The following PLCL1 variants were observed in gnomAD, a reference collection of about 807,000 sequenced individuals.
PLCL1 encodes phospholipase C like 1 (inactive).
Under a neutral mutation model 84.4 loss-of-function variants are expected in PLCL1, and 41 were observed. The ratio of observed to expected loss-of-function variants is 0.49; its 90% CI spans 0.38 to 0.63. The LOEUF (loss-of-function observed/expected upper bound fraction) is 0.63, where lower values mean the gene tolerates loss of function less well. Ranked by LOEUF, PLCL1 falls within the 30% of genes least tolerant of loss-of-function variation. The pLI is 0.00. For missense variants in PLCL1, 1,206 were observed against 1,367.8 expected, an observed-to-expected ratio of 0.88 and a Z score of 1.87; for synonymous variants, 490 against 488.3, an observed-to-expected ratio of 1.00 and a Z score of -0.05.
intron 1 of PLCL1, among the ~76,000 whole-genome samples, chr2:198,062,969 A>G (rs1270094319): frequency 6.6e-6 from 1 of 152,110 alleles, no homozygotes; most frequent in African/African-American, 2.4e-5. Context: ...AGAGTCTGAA[A>G]GTCTGCAATT....
intron 1 of PLCL1, among the ~76,000 whole-genome samples, chr2:197,811,191 T>C (rs1690580341): frequency 6.6e-6 from 1 of 152,238 alleles, no homozygotes; most frequent in Non-Finnish European, 1.5e-5. Context: ...AATTAATGAT[T>C]ATACTAAACT....
At position 197,968,915 on chromosome 2, in the gene PLCL1, C is replaced by T. The variant is rs1689801458; in HGVS notation, c.241-114843C>T. Among the ~76,000 whole-genome samples, 4 of 152,204 alleles carry T rather than the reference C, an allele frequency of 2.6e-5. No individual in the cohort carries two copies. The South Asian group carries it at 8.3e-4, about 31-fold the overall frequency. ...TAAGTTAAGAGTAATTCATTTAAAACAGGGTCCCCAACCCCCAGACCACGG... is the reference window on the plus strand; with the variant it reads ...TAAGTTAAGAGTAATTCATTTAAAATAGGGTCCCCAACCCCCAGACCACGG... On this transcript the variant is annotated intron_variant, in intron 1 of 5. Transcript: ENST00000428675.
At position 198,044,834 on chromosome 2, in the gene PLCL1, G is replaced by C. The variant is rs190049383; in HGVS notation, c.241-38924G>C. ...AACTGAATCATATTAAACAACCTTTGTTTCCTACCTCAATAGGTCAATTGA... is the reference window on the plus strand; with the variant it reads ...AACTGAATCATATTAAACAACCTTTCTTTCCTACCTCAATAGGTCAATTGA... On this transcript the variant is annotated intron_variant, in intron 1 of 5. Coordinates refer to ENST00000428675, the MANE Select transcript of PLCL1 (RefSeq NM_006226.4). Among the ~76,000 whole-genome samples the C allele has an allele frequency of 3.8e-3, 582 of 152,258 alleles. 5 individuals carry two copies. Among genetic ancestry groups the C allele is most frequent in the African/African-American group, 0.013 (557 of 41,560 alleles).
chr2:197,868,033 C>G (rs1559030131), intron 1 of PLCL1, among the ~76,000 whole-genome samples: 1 of 152,086 alleles, frequency 6.6e-6, no homozygotes, highest in African/African-American at 2.4e-5. Flanking sequence ...TGGTTGAAAA[C>G]AAATGGCAAG....
intron 1 of PLCL1, among the ~76,000 whole-genome samples, chr2:197,819,769 A>G (rs1406400468): frequency 1.3e-5 from 2 of 152,222 alleles, no homozygotes; most frequent in South Asian, 2.1e-4. Flanking sequence ...AATAATGAGC[A>G]CACCATTGTC....
intron 1 of PLCL1, among the ~76,000 whole-genome samples, chr2:197,925,830 C>G (rs565876048): frequency 1.4e-5 from 2 of 147,824 alleles, no homozygotes; most frequent in East Asian, 2.2e-4. Flanking sequence ...ATTTCAATCT[C>G]TCTTTTAGCT....
At chr2:197,883,164 C>A (rs1687859168) in intron 1 of PLCL1, among the ~76,000 whole-genome samples, 1 of 152,078 alleles carries the variant, frequency 6.6e-6, no homozygotes, top group African/African-American at 2.4e-5. Context: ...TCAAGCTGTT[C>A]ATTTAAGATC....
chr2:197,894,938 ACTCT>A (rs1222090973), intron 1 of PLCL1, among the ~76,000 whole-genome samples: 2 of 151,550 alleles, frequency 1.3e-5, no homozygotes, highest in African/African-American at 4.8e-5. Context: ...CTGTGTTTTA[ACTCT>A]CTTTCTTTCT....
intron 1 of PLCL1, among the ~76,000 whole-genome samples, chr2:197,843,476 T>C (rs933492212): frequency 6.6e-6 from 1 of 152,224 alleles, no homozygotes; most frequent in African/African-American, 2.4e-5. Flanking sequence ...ACATGTGTTC[T>C]TCTTCCTTCT....
chr2:198,046,524 G>A (rs1691797160), intron 1 of PLCL1, among the ~76,000 whole-genome samples: 1 of 152,094 alleles, frequency 6.6e-6, no homozygotes, highest in African/African-American at 2.4e-5. Flanking sequence ...TATAATCGAG[G>A]GCTAAATTGT....
chr2:198,024,043 T>C (rs1022574322), intron 1 of PLCL1, among the ~76,000 whole-genome samples: 2 of 152,170 alleles, frequency 1.3e-5, no homozygotes, highest in African/African-American at 2.4e-5. Context: ...GTGGCACATA[T>C]ACACCATGGA....
rs561151661 is a variant in PLCL1, at chr2:198,115,638, A to G, written c.3105+11702A>G. 2.0e-5 allele frequency among the ~76,000 whole-genome samples: 3 copies of G among 152,016 alleles called. No homozygotes were observed. In the South Asian group the frequency reaches 6.2e-4, roughly 31 times the overall value. ...AGAGGTTTAATGGACTCACAGTTCC[A>G]CATGGCTGGGGTAGCCTCACAATCA... On this transcript the variant is annotated intron_variant, in intron 5 of 5. Transcript: ENST00000428675.
intron 1 of PLCL1, among the ~76,000 whole-genome samples, chr2:197,823,551 G>T (rs1690860152): frequency 6.6e-6 from 1 of 152,108 alleles, no homozygotes; most frequent in Admixed American, 6.6e-5. Flanking sequence ...AAGAAATAAA[G>T]AAATAGTAAT....
intron 1 of PLCL1, among the ~76,000 whole-genome samples, chr2:197,915,369 C>G (rs1688574772): frequency 1.3e-5 from 2 of 152,054 alleles, no homozygotes; most frequent in African/African-American, 4.8e-5. Flanking sequence ...ATTTCCTACC[C>G]ATATTTAAAT....
intron 1 of PLCL1, among the ~76,000 whole-genome samples, chr2:198,061,694 G>A (rs1001754545): frequency 1.3e-5 from 2 of 152,246 alleles, no homozygotes; most frequent in Non-Finnish European, 2.9e-5. Flanking sequence ...CCACCTCCCG[G>A]GTTCAAGCAA....
intron 3 of PLCL1, among the ~76,000 whole-genome samples, chr2:198,100,889 A>G (rs938126942): frequency 6.6e-6 from 1 of 152,058 alleles, no homozygotes; most frequent in Admixed American, 6.6e-5. Context: ...GAAGGATAAA[A>G]AACCCTATTC....
intron 1 of PLCL1, among the ~76,000 whole-genome samples, chr2:198,053,440 C>A (rs6752760): frequency 0.14 from 21,876 of 152,156 alleles, 1,850 homozygotes; most frequent in East Asian, 0.26. Context: ...ATGACTCTGG[C>A]CCTTTGGTGC....
At chr2:198,121,257 C>T (rs1262211763) in intron 5 of PLCL1, among the ~76,000 whole-genome samples, 1 of 152,158 alleles carries the variant, frequency 6.6e-6, no homozygotes, top group South Asian at 2.1e-4. Flanking sequence ...TTCTTCCATT[C>T]TATAGTTTGT....
At chr2:197,951,062 A>G (rs951151679) in intron 1 of PLCL1, among the ~76,000 whole-genome samples, 1 of 152,122 alleles carries the variant, frequency 6.6e-6, no homozygotes, top group African/African-American at 2.4e-5. Flanking sequence ...GATGGGAATG[A>G]TGGAACTAGT....
Sources: allele counts gnomAD v4.1 joint callset (sites outside exome capture counted in the v4.1 genomes callset), GRCh38; gene constraint gnomAD v4.1.1; transcripts MANE v1.5; gene names NCBI Gene and HGNC (gene_info 2026-07-23, HGNC 2026-07-21).